SLC4A4: variants seen among roughly 807,000 people sequenced by gnomAD.
SLC4A4 encodes the protein solute carrier family 4 member 4.
SLC4A4 carries 27 observed loss-of-function variants against 111.5 expected under a neutral mutation model. That is an observed-to-expected ratio of 0.24 (90% confidence interval 0.18 to 0.33). The LOEUF (loss-of-function observed/expected upper bound fraction) is 0.33. Among genes scored for constraint, SLC4A4 ranks in the 10% least tolerant of loss-of-function variants. The probability of loss-of-function intolerance (pLI) is 1.00; values close to 1 mark genes in which losing one functional copy is unlikely to be tolerated. For synonymous variants in SLC4A4, 443 were observed against 463.4 expected, an observed-to-expected ratio of 0.96 and a Z score of 0.57; for missense variants, 909 against 1,315.5, an observed-to-expected ratio of 0.69 and a Z score of 4.78.
chr4:71,149,274 T>G (rs1744255450), intron 2 of SLC4A4, among the ~76,000 whole-genome samples: 1 of 151,986 alleles, frequency 6.6e-6, no homozygotes, highest in Admixed American at 6.6e-5. Context: ...ATTATTGGTT[T>G]AAAAGTAAAG....
At chr4:71,560,927 A>T (rs141192057) in intron 23 of SLC4A4, among the ~76,000 whole-genome samples, 55 of 151,860 alleles carry the variant, frequency 3.6e-4, no homozygotes, top group African/African-American at 1.2e-3. Context: ...TTTCTTTAGG[A>T]GACCAGCTCA....
In SLC4A4 at chr4:71,455,722, A is replaced by G. The variant is rs575650004; in HGVS notation, c.1497+2053A>G. ...CTCATTGAGATGGGGACATTGCAAT[A>G]TTGCCTATGTGTATTAGTTTATTGC... On this transcript the variant is annotated intron_variant, in intron 12 of 25. Coordinates refer to ENST00000264485, the MANE Select transcript of SLC4A4 (RefSeq NM_001098484.3). 7.2e-5 allele frequency among the ~76,000 whole-genome samples: 11 copies of G among 152,240 alleles called. No individual in the cohort carries two copies. The South Asian group carries it at 2.3e-3, about 32-fold the overall frequency.
chr4:71,355,898 G>C (rs138602998), intron 5 of SLC4A4, among the ~76,000 whole-genome samples: 80 of 152,290 alleles, frequency 5.3e-4, no homozygotes, highest in African/African-American at 1.9e-3. Flanking sequence ...ATATACTAAA[G>C]TTTGCCCAAG....
intron 16 of SLC4A4, among the ~76,000 whole-genome samples, chr4:71,509,305 G>A (rs1430788175): frequency 6.6e-6 from 1 of 152,172 alleles, no homozygotes; most frequent in African/African-American, 2.4e-5. Flanking sequence ...AAGAGAGGAA[G>A]TCAAACTAGC....
chr4:71,478,078 C>G (rs563323534), intron 14 of SLC4A4, among the ~76,000 whole-genome samples: 112 of 151,966 alleles, frequency 7.4e-4, no homozygotes, highest in African/African-American at 2.6e-3. Flanking sequence ...CATTTCAGGC[C>G]AGTTAGAATG....
At chr4:71,066,644 A>T (rs1008801056) in intron 1 of SLC4A4, among the ~76,000 whole-genome samples, 2 of 152,202 alleles carry the variant, frequency 1.3e-5, no homozygotes, top group African/African-American at 4.8e-5. Context: ...AATTAATCAA[A>T]TTGGGAATAA....
chr4:71,089,456 G>A (rs1387090065), intron 1 of SLC4A4, among the ~76,000 whole-genome samples: 1 of 152,064 alleles, frequency 6.6e-6, no homozygotes, highest in Non-Finnish European at 1.5e-5. Context: ...GTGTTCCTTT[G>A]GAGGAGGAGA....
At chr4:71,302,072 T>A (rs1725311044) in intron 3 of SLC4A4, among the ~76,000 whole-genome samples, 2 of 152,174 alleles carry the variant, frequency 1.3e-5, no homozygotes, top group African/African-American at 2.4e-5. Context: ...GGAAGGGCAT[T>A]GATAATTGTA....
intron 6 of SLC4A4, among the ~76,000 whole-genome samples, chr4:71,377,309 T>C (rs1398869953): frequency 6.6e-6 from 1 of 152,178 alleles, no homozygotes; most frequent in South Asian, 2.1e-4. Context: ...ATGGTTCAAA[T>C]CAGGAAATAA....
chr4:71,099,378 T>C (rs1314905472), intron 2 of SLC4A4, among the ~76,000 whole-genome samples: 1 of 152,138 alleles, frequency 6.6e-6, no homozygotes, highest in Non-Finnish European at 1.5e-5. Flanking sequence ...GAGGCAGAAA[T>C]AAAGACGTTC....
upstream of SLC4A4, among the ~76,000 whole-genome samples, chr4:71,184,827 G>A (rs1294335190): frequency 3.3e-5 from 5 of 152,092 alleles, no homozygotes; most frequent in Admixed American, 2.0e-4. Context: ...AGGAAAACAC[G>A]TATATCTCAA....
intron 3 of SLC4A4, chr4:71,300,636 C>A: frequency 2.8e-6 from 1 of 356,658 alleles, no homozygotes; most frequent in Non-Finnish European, 5.6e-6. Flanking sequence ...GCAGTGACGA[C>A]AGGCTTGAGA....
intron 20 of SLC4A4, among the ~76,000 whole-genome samples, chr4:71,553,971 A>G (rs1736257161): frequency 6.6e-6 from 1 of 151,922 alleles, no homozygotes; most frequent in Non-Finnish European, 1.5e-5. Context: ...TTTTGTATAT[A>G]TAAATAAGGA....
At chr4:71,545,842 C>A (rs1236027477) in intron 18 of SLC4A4, among the ~76,000 whole-genome samples, 1 of 152,020 alleles carries the variant, frequency 6.6e-6, no homozygotes, top group Non-Finnish European at 1.5e-5. Flanking sequence ...GTAGAGAAGG[C>A]AGGGTGCCTG....
intron 7 of SLC4A4, among the ~76,000 whole-genome samples, chr4:71,424,330 G>T (rs1487501999): frequency 6.6e-6 from 1 of 151,852 alleles, no homozygotes; most frequent in African/African-American, 2.4e-5. Flanking sequence ...TCGTTAAAAA[G>T]TCAGGAAACA....
chr4:71,428,339 C>T (rs763580664), intron 7 of SLC4A4, among the ~76,000 whole-genome samples: 4 of 152,050 alleles, frequency 2.6e-5, no homozygotes, highest in Non-Finnish European at 4.4e-5. Flanking sequence ...AAGCCAGTCT[C>T]AGTGAGATTT....
intron 2 of SLC4A4, among the ~76,000 whole-genome samples, chr4:71,138,812 G>A (rs1053646357): frequency 2.6e-5 from 4 of 151,974 alleles, no homozygotes; most frequent in African/African-American, 4.8e-5. Context: ...CAAGGAGGGC[G>A]GATCACGAGG....
chr4:71,427,935 C>T (rs1243496794), intron 7 of SLC4A4, among the ~76,000 whole-genome samples: 1 of 152,136 alleles, frequency 6.6e-6, no homozygotes, highest in East Asian at 1.9e-4. Flanking sequence ...GATGTCAAGT[C>T]TGTTTTTTTC....
chr4:71,440,850 G>A, intron 8 of SLC4A4, 77 bp downstream of exon 8: 2 of 1,500,786 alleles, frequency 1.3e-6, no homozygotes, highest in Non-Finnish European at 1.9e-6. Flanking sequence ...AGAATCAATA[G>A]AATGAGGAAA....
Sources: allele counts gnomAD v4.1 joint callset (sites outside exome capture counted in the v4.1 genomes callset), GRCh38; gene constraint gnomAD v4.1.1; transcripts MANE v1.5; gene names NCBI Gene and HGNC (gene_info 2026-07-23, HGNC 2026-07-21).